The following SLC34A2 variants were observed in gnomAD, a reference collection of about 807,000 sequenced individuals.
SLC34A2 encodes solute carrier family 34 member 2.
A neutral mutation model predicts 50.8 loss-of-function variants in SLC34A2; 41 were observed. The observed-to-expected ratio is 0.81, with a 90% confidence interval of 0.63 to 1.05. The LOEUF (loss-of-function observed/expected upper bound fraction) is 1.05. Ranked by LOEUF, SLC34A2 falls within the 50% of genes least tolerant of loss-of-function variation. The pLI is 0.00. For missense variants in SLC34A2, 879 were observed against 876.7 expected (o/e 1.00, Z -0.03); for synonymous variants, 401 against 364.2 (o/e 1.10, Z -1.15).
intron 4 of SLC34A2, 91 bp from the exon 5 acceptor site, chr4:25,666,037 C>G: frequency 6.5e-7 from 1 of 1,536,240 alleles, no homozygotes; most frequent in South Asian, 1.1e-5. Context: ...AGCCAGCTGG[C>G]CTTGGATGGA....
At chr4:25,664,711 C>T (rs1714397181) in intron 4 of SLC34A2, among the ~76,000 whole-genome samples, 1 of 152,108 alleles carries the variant, frequency 6.6e-6, no homozygotes, top group Non-Finnish European at 1.5e-5. Context: ...AATATGGGCC[C>T]TTGCTGGGGG....
chr4:25,666,455 G>T (rs150031797), intron 5 of SLC34A2, among the ~76,000 whole-genome samples, 184 bp downstream of exon 5: 1 of 152,268 alleles, frequency 6.6e-6, no homozygotes, highest in East Asian at 1.9e-4. Context: ...TTTCCATTTC[G>T]ATGGCAGGAT....
chr4:25,660,035 T>G (rs543089432), intron 1 of SLC34A2, among the ~76,000 whole-genome samples: 1 of 152,242 alleles, frequency 6.6e-6, no homozygotes, highest in Non-Finnish European at 1.5e-5. Context: ...GCTCTTACAA[T>G]GCATGGACAT....
chr4:25,677,179 T>C lies in SLC34A2; in HGVS notation c.*430T>C. 1 of 176,034 alleles carries C rather than the reference T, an allele frequency of 5.7e-6. No homozygotes were observed. The highest frequency in any genetic ancestry group is 1.2e-5 in the Non-Finnish European group (1 of 80,832). The allele number at this position is 176,034 out of a possible 1,614,324, so 10.9% of individuals were successfully genotyped here. A position where few individuals can be genotyped will look rare whatever the true frequency, so the allele number is the denominator to read the frequency against. ...TGACTATCAAGCTCAGGCCTCTCCC[T>C]TTTTTTAAACCAAAGTCTGGCAACC... On this transcript the variant is annotated 3_prime_UTR_variant, in exon 13 of 13. Transcript: ENST00000382051.
intron 5 of SLC34A2, among the ~76,000 whole-genome samples, chr4:25,667,532 AAAG>A (rs1197560258): frequency 3.3e-5 from 5 of 152,200 alleles, no homozygotes; most frequent in Non-Finnish European, 7.3e-5. Flanking sequence ...ATAAAAAAGA[AAAG>A]AAAAAAAACT....
chr4:25,666,529 C>A (rs1714512201), intron 5 of SLC34A2, among the ~76,000 whole-genome samples: 1 of 152,182 alleles, frequency 6.6e-6, no homozygotes, highest in South Asian at 2.1e-4. Flanking sequence ...ACTTTCCAGA[C>A]CTGTAGCCAC....
intron 5 of SLC34A2, among the ~76,000 whole-genome samples, chr4:25,667,543 A>T (rs1714563819): frequency 6.6e-6 from 1 of 152,152 alleles, no homozygotes; most frequent in Non-Finnish European, 1.5e-5. Flanking sequence ...AAGAAAAAAA[A>T]CTGATGCTTC....
Position 25,666,023 on chromosome 4 carries a change from C to A in SLC34A2, c.380-105C>A, listed in dbSNP as rs552761329. The A allele has an allele frequency of 1.0e-5, 15 of 1,459,402 alleles. No individual in the cohort carries two copies. The South Asian group carries it at 1.5e-4, about 14-fold the overall frequency. 90.4% of individuals were successfully genotyped at this position (1,459,402 alleles called of 1,614,324 possible). A position where few individuals can be genotyped will look rare whatever the true frequency, so the allele number is the denominator to read the frequency against. The stretch of plus-strand genomic sequence containing the variant: ...AGCGATGGAGGCTGGACTCTGCAAC[C>A]CACAGCCAGCTGGCCTTGGATGGAG... On this transcript the variant is annotated intron_variant, in intron 4 of 12. Transcript: ENST00000382051.
chr4:25,666,637 T>G (rs1714516189), intron 5 of SLC34A2, among the ~76,000 whole-genome samples: 1 of 152,216 alleles, frequency 6.6e-6, no homozygotes, highest in Admixed American at 6.5e-5. Context: ...ATTTCAAGTG[T>G]TAAAGAGCCA....
chr4:25,667,261 C>T (rs1225072626), intron 5 of SLC34A2, among the ~76,000 whole-genome samples: 4 of 152,224 alleles, frequency 2.6e-5, no homozygotes, highest in East Asian at 1.9e-4. Flanking sequence ...CCTATAATCC[C>T]AGCACTCTGG....
intron 3 of SLC34A2, 61 bp from the exon 4 acceptor site, chr4:25,664,141 G>C (rs1003280847): frequency 6.3e-7 from 1 of 1,581,006 alleles, no homozygotes; most frequent in Non-Finnish European, 8.7e-7. Context: ...AACTTCTCAG[G>C]GTTTCCAACA....
At position 25,655,859 on chromosome 4, in the gene SLC34A2, C is replaced by A. The variant is rs1713850798; in HGVS notation, c.-35C>A. On this transcript the variant is annotated 5_prime_UTR_variant, in exon 1 of 13. Coordinates refer to ENST00000382051, the MANE Select transcript of SLC34A2 (RefSeq NM_006424.3). Reference sequence around the variant, plus strand: ...GGCGCTGCGCTCCACCTGGCCGCCGCCTCCAGCCCAGCACCTGCGGAGGGA... The same window carrying A: ...GGCGCTGCGCTCCACCTGGCCGCCGACTCCAGCCCAGCACCTGCGGAGGGA... 1 of 152,520 alleles carries A rather than the reference C, an allele frequency of 6.6e-6. No homozygotes were observed. Among genetic ancestry groups the A allele is most frequent in the Admixed American group, 6.5e-5 (1 of 15,310 alleles). 9.4% of individuals were successfully genotyped at this position (152,520 alleles called of 1,614,324 possible).
At chr4:25,663,565 G>A (rs1039702210) in intron 3 of SLC34A2, among the ~76,000 whole-genome samples, 17 of 152,174 alleles carry the variant, frequency 1.1e-4, no homozygotes, top group African/African-American at 4.1e-4. Context: ...CCAAATGTAT[G>A]TAGGGCAGAA....
In SLC34A2 at chr4:25,674,319, TTGAC is replaced by T. The variant is rs1328099191; in HGVS notation, c.1243_1246del (p.Thr415AlafsTer11). On this transcript the variant is annotated frameshift_variant, in exon 11 of 13. Transcript: ENST00000382051. LOFTEE classifies it high-confidence loss of function. ...AGATTTCCCCTTTCCCTTTGCATGG[TTGAC>T]TGGCTACCTGGCCATCCTCGTCGGG... 6.2e-7 allele frequency: 1 copy of T among 1,614,148 alleles called. No homozygotes were observed. Among genetic ancestry groups the T allele is most frequent in the South Asian group, 1.1e-5 (1 of 91,072 alleles).
At chr4:25,666,049 A>T in intron 4 of SLC34A2, 79 bp from the exon 5 acceptor site, 1 of 1,575,612 alleles carries the variant, frequency 6.3e-7, no homozygotes, top group African/African-American at 1.3e-5. Flanking sequence ...TTGGATGGAG[A>T]CTTCTGTTTA....
chr4:25,664,854 T>C (rs1046869162), intron 4 of SLC34A2: 3 of 235,570 alleles, frequency 1.3e-5, no homozygotes, highest in Non-Finnish European at 2.5e-5. Flanking sequence ...GTTCCCTTTG[T>C]ACCTCAATGG....
chr4:25,671,834 C>G, intron 9 of SLC34A2, 113 bp downstream of exon 9: 2 of 1,423,196 alleles, frequency 1.4e-6, no homozygotes, highest in Non-Finnish European at 9.9e-7. Flanking sequence ...TCACCAAGCA[C>G]CTGCCCTACA....
intron 12 of SLC34A2, 39 bp from the exon 13 acceptor site, chr4:25,676,096 G>A (rs1453128237): frequency 3.7e-6 from 6 of 1,611,906 alleles, no homozygotes; most frequent in Non-Finnish European, 5.1e-6. Flanking sequence ...CCCGCATTGG[G>A]CAACAGGCCC....
chr4:25,664,796 T>C (rs2109050836), intron 4 of SLC34A2: 1 of 251,414 alleles, frequency 4.0e-6, no homozygotes, highest in African/African-American at 2.2e-5. Flanking sequence ...TAGGGCTGCG[T>C]GTGCCCATGC....
Sources: allele counts gnomAD v4.1 joint callset (sites outside exome capture counted in the v4.1 genomes callset), GRCh38; gene constraint gnomAD v4.1.1; transcripts MANE v1.5; gene names NCBI Gene and HGNC (gene_info 2026-07-23, HGNC 2026-07-21).